Variants in PHYHIPL observed in about 807,000 individuals in gnomAD.
The protein encoded by PHYHIPL is phytanoyl-CoA 2-hydroxylase interacting protein like, also known as phytanoyl-CoA hydroxylase-interacting protein-like.
In PHYHIPL, 9 loss-of-function variants were observed where a neutral mutation model predicts 33.4. The ratio of observed to expected loss-of-function variants is 0.27; its 90% CI spans 0.16 to 0.47. The LOEUF is 0.47. Ranked by LOEUF, PHYHIPL falls within the 20% of genes least tolerant of loss-of-function variation. The pLI, the probability that PHYHIPL is intolerant of heterozygous loss-of-function variation, is 0.99. For missense variants in PHYHIPL, 365 were observed against 460.7 expected (o/e 0.79, Z 1.90); for synonymous variants, 153 against 154.1 (o/e 0.99, Z 0.05).
intron 1 of PHYHIPL, 180 bp downstream of exon 1, chr10:59,177,139 A>G: frequency 1.6e-6 from 1 of 617,890 alleles, no homozygotes; most frequent in Non-Finnish European, 2.7e-6. Flanking sequence ...CAGAAACAAA[A>G]GGACCCCGGG....
At chr10:59,199,597 T>C (rs570836222) in intron 1 of PHYHIPL, among the ~76,000 whole-genome samples, 2 of 152,294 alleles carry the variant, frequency 1.3e-5, no homozygotes, top group Admixed American at 6.5e-5. Flanking sequence ...GTGAAGAAAG[T>C]CGTTGGTAGC....
intron 1 of PHYHIPL, chr10:59,206,651 C>A: frequency 3.5e-6 from 1 of 288,608 alleles, no homozygotes. Context: ...CATTTAGAAG[C>A]ACATTTATTT....
chr10:59,229,837 G>A (rs1840026582), intron 1 of PHYHIPL, among the ~76,000 whole-genome samples: 1 of 151,926 alleles, frequency 6.6e-6, no homozygotes, highest in Admixed American at 6.5e-5. Flanking sequence ...CCAAGACTCA[G>A]CCATTGTTAC....
At chr10:59,194,884 A>G (rs1034766707) in intron 1 of PHYHIPL, among the ~76,000 whole-genome samples, 5 of 152,210 alleles carry the variant, frequency 3.3e-5, no homozygotes, top group African/African-American at 4.8e-5. Flanking sequence ...AGCATGCTAG[A>G]CAGCTGAATT....
intron 1 of PHYHIPL, chr10:59,177,531 G>A (rs772702760): frequency 4.5e-6 from 7 of 1,551,546 alleles, no homozygotes; most frequent in East Asian, 2.4e-5. Flanking sequence ...ACCAAGGACA[G>A]ACACAATCTT....
chr10:59,220,047 C>T (rs1839721754), intron 1 of PHYHIPL, among the ~76,000 whole-genome samples: 1 of 152,060 alleles, frequency 6.6e-6, no homozygotes, highest in Non-Finnish European at 1.5e-5. Context: ...CCTTTCACAC[C>T]ATTTATTGTG....
intron 1 of PHYHIPL, among the ~76,000 whole-genome samples, chr10:59,201,799 G>T (rs1199512982): frequency 1.3e-5 from 2 of 152,000 alleles, no homozygotes; most frequent in African/African-American, 4.8e-5. Context: ...AATATTACAG[G>T]TGAATCTGGG....
chr10:59,194,647 C>G (rs1441056956), intron 1 of PHYHIPL, among the ~76,000 whole-genome samples: 1 of 152,108 alleles, frequency 6.6e-6, no homozygotes, highest in African/African-American at 2.4e-5. Context: ...CTGCAGTGTT[C>G]TTCGTTGTTT....
chr10:59,239,999 G>A (rs545504530), intron 4 of PHYHIPL, among the ~76,000 whole-genome samples: 2 of 151,998 alleles, frequency 1.3e-5, no homozygotes, highest in Non-Finnish European at 2.9e-5. Context: ...AATGCAACAG[G>A]AATCAGAGAG....
At chr10:59,208,877 A>G (rs1401566511) in intron 1 of PHYHIPL, among the ~76,000 whole-genome samples, 1 of 152,144 alleles carries the variant, frequency 6.6e-6, no homozygotes, top group Non-Finnish European at 1.5e-5. Flanking sequence ...AGATTAGAGA[A>G]AAAAGAACGA....
chr10:59,216,919 T>A (rs1195665951), intron 1 of PHYHIPL, among the ~76,000 whole-genome samples: 1 of 152,178 alleles, frequency 6.6e-6, no homozygotes. Flanking sequence ...TCTTTGAATC[T>A]TCTGGCACTT....
At chr10:59,218,872 A>G (rs1369802269) in intron 1 of PHYHIPL, among the ~76,000 whole-genome samples, 1 of 152,006 alleles carries the variant, frequency 6.6e-6, no homozygotes, top group Non-Finnish European at 1.5e-5. Context: ...CCCACCTCAT[A>G]TTACAATGTA....
chr10:59,205,319 G>C (rs1839255742), intron 1 of PHYHIPL, among the ~76,000 whole-genome samples: 1 of 151,974 alleles, frequency 6.6e-6, no homozygotes, highest in Admixed American at 6.6e-5. Flanking sequence ...GATTATGTGT[G>C]GGTTGGCCAT....
At chr10:59,228,221 T>C (rs529967986) in intron 1 of PHYHIPL, among the ~76,000 whole-genome samples, 1 of 152,144 alleles carries the variant, frequency 6.6e-6, no homozygotes, top group East Asian at 1.9e-4. Context: ...ATTAATAGAA[T>C]AGAATACAAA....
At chr10:59,198,619 G>A (rs1270643819) in intron 1 of PHYHIPL, among the ~76,000 whole-genome samples, 1 of 152,108 alleles carries the variant, frequency 6.6e-6, no homozygotes, top group African/African-American at 2.4e-5. Context: ...AGATCCTTGA[G>A]GAATCGCCAC....
At chr10:59,210,627 A>G (rs1335823912) in intron 1 of PHYHIPL, among the ~76,000 whole-genome samples, 2 of 152,214 alleles carry the variant, frequency 1.3e-5, no homozygotes, top group Admixed American at 1.3e-4. Flanking sequence ...ATGTGCACAC[A>G]TATGCTTATT....
chr10:59,186,901 A>G (rs1400092080), intron 1 of PHYHIPL, among the ~76,000 whole-genome samples: 3 of 152,216 alleles, frequency 2.0e-5, no homozygotes, highest in African/African-American at 4.8e-5. Flanking sequence ...CAATCATGTC[A>G]TCTGCAAACA....
In PHYHIPL at chr10:59,236,498, T is replaced by C; in HGVS notation, c.319T>C (p.Leu107=). 6.3e-7 allele frequency: 1 copy of C among 1,592,452 alleles called. No homozygotes were observed. The change falls in exon 3 of 5, where the codon TTG becomes CTG. Residue 107 remains leucine (L), a synonymous_variant. Transcript: ENST00000373880. ...KFKHKDVPTK[L]VAKAVPLPMT... is the part of the protein sequence containing the mutation. Reference sequence around the variant, plus strand: ...TCATTCCTAGGATGTTCCCACAAAATTGGTGGCAAAAGCTGTTCCCTTGCC... The same window carrying C: ...TCATTCCTAGGATGTTCCCACAAAACTGGTGGCAAAAGCTGTTCCCTTGCC...
intron 1 of PHYHIPL, chr10:59,221,577 A>C: frequency 1.9e-6 from 1 of 531,468 alleles, no homozygotes; most frequent in Non-Finnish European, 2.4e-6. Flanking sequence ...TATGGCTAAG[A>C]GAGATAAGTT....
Sources: gnomAD v4.1 joint callset for allele counts (sites outside exome capture counted in the v4.1 genomes callset) on GRCh38, gnomAD v4.1.1 for gene constraint, MANE v1.5 for transcripts, NCBI Gene and HGNC (gene_info 2026-07-23, HGNC 2026-07-21) for gene names.